Variants in GOLGA8J observed in about 807,000 individuals in gnomAD.
GOLGA8J encodes the protein golgin A8 family member J, also known as golgin subfamily A member 8J.
GOLGA8J carries 19 observed loss-of-function variants against 67.7 expected under a neutral mutation model. That is an observed-to-expected ratio of 0.28 (90% confidence interval 0.20 to 0.41). The LOEUF is 0.41. GOLGA8J is among the 10% of genes least tolerant of loss of function. GOLGA8J has a pLI of 1.00. For synonymous variants in GOLGA8J, 69 were observed against 215.9 expected, an observed-to-expected ratio of 0.32 and a Z score of 5.97; for missense variants, 205 against 584.3, an observed-to-expected ratio of 0.35 and a Z score of 6.69.
At chr15:30,083,182 C>T in intron 1 of GOLGA8J, 82 bp downstream of exon 1, 1 of 37,436 alleles carries the variant, frequency 2.7e-5, no homozygotes, top group East Asian at 3.6e-4. Flanking sequence ...GTCTATACGA[C>T]TCCTGAGGCA....
At position 30,094,011 on chromosome 15, in the gene GOLGA8J, T is replaced by C. The variant is rs369027394; in HGVS notation, c.*512T>C. On this transcript the variant is annotated 3_prime_UTR_variant, in exon 19 of 19. Transcript: ENST00000567927. ...GTGCACTGTTTATTACTTTGTAATA[T>C]GCCACTATGAGTACTGACATTTAGA... 4.6e-4 allele frequency among the ~76,000 whole-genome samples: 67 copies of C among 145,604 alleles called. 2 individuals carry two copies. The highest frequency in any genetic ancestry group is 8.3e-4 in the African/African-American group (31 of 37,250).
rs1278466268 is a variant in GOLGA8J at position 30,090,410 on chromosome 15, G to A, written c.1200+130G>A. The stretch of plus-strand genomic sequence containing the variant: ...GCTGGTGACCACAGCACCCCCCAGG[G>A]CAGTCCTGTGACTGTTTCTTGCTTC... On this transcript the variant is annotated intron_variant, in intron 13 of 18. Transcript: ENST00000567927. 9.2e-6 allele frequency: 14 copies of A among 1,526,506 alleles called. No individual in the cohort carries two copies. In the East Asian group the frequency reaches 2.2e-4, roughly 23 times the overall value. The allele number at this position is 1,526,506 out of a possible 1,614,324, so 94.6% of individuals were successfully genotyped here. A position where few individuals can be genotyped will look rare whatever the true frequency, so the allele number is the denominator to read the frequency against.
chr15:30,088,557 A>G (rs2057361460), intron 8 of GOLGA8J, among the ~76,000 whole-genome samples, 183 bp from the exon 9 acceptor site: 1 of 147,956 alleles, frequency 6.8e-6, no homozygotes, highest in Non-Finnish European at 1.5e-5. Context: ...CTATAAACTC[A>G]GTCTCATTCC....
intron 14 of GOLGA8J, 112 bp from the exon 15 acceptor site, chr15:30,091,930 C>T (rs548307032): frequency 4.5e-6 from 4 of 897,980 alleles, no homozygotes; most frequent in Non-Finnish European, 7.1e-6. Context: ...CAGCTCATTC[C>T]TCTCTGGGGA....
chr15:30,085,268 A>G (rs2057338134), intron 2 of GOLGA8J, among the ~76,000 whole-genome samples: 1 of 100,644 alleles, frequency 9.9e-6, no homozygotes, highest in Non-Finnish European at 1.7e-5. Context: ...TGACAGAGCA[A>G]GACTCTGTCT....
At chr15:30,088,480 C>T (rs2140565139) in intron 8 of GOLGA8J, 2 of 574,052 alleles carry the variant, frequency 3.5e-6, no homozygotes, top group East Asian at 2.9e-5. Flanking sequence ...AAGGTTCAAA[C>T]AGTGGTAATA....
chr15:30,095,022 C>A lies in GOLGA8J; in HGVS notation c.*1523C>A, dbSNP rs1353312114. On this transcript the variant is annotated 3_prime_UTR_variant, in exon 19 of 19. Coordinates refer to ENST00000567927, the MANE Select transcript of GOLGA8J (RefSeq NM_001282472.2). Reference sequence around the variant, plus strand: ...TGTACCTCTGGGTTTCTGTTCGGGACATATTTTGTGCAATATTTATGTGAT... The same window carrying A: ...TGTACCTCTGGGTTTCTGTTCGGGAAATATTTTGTGCAATATTTATGTGAT... 6.8e-6 allele frequency among the ~76,000 whole-genome samples: 1 copy of A among 146,132 alleles called. No homozygotes were observed. The highest frequency in any genetic ancestry group is 1.5e-5 in the Non-Finnish European group (1 of 67,486).
Position 30,092,118 on chromosome 15 carries a change from G to T in GOLGA8J, c.1353G>T (p.Glu451Asp). 1.9e-6 allele frequency: 3 copies of T among 1,548,044 alleles called. No homozygotes were observed. Among genetic ancestry groups the T allele is most frequent in the South Asian group, 2.3e-5 (2 of 85,644 alleles). ...RPMPSVPEDP[E>D]SREAMSSFMD... ...TGCCGAGTGTCCCAGAGGACCCGGA[G>T]AGCAGGGAGGCCATGGTGAGCCTGA... Residue 451 changes from glutamate to aspartate, a missense_variant, in exon 15 of 19, where the codon GAG (glutamate) becomes GAT (aspartate). Physicochemically the swap from Glu to Asp is conservative, Grantham distance 45. Coordinates refer to ENST00000567927, the MANE Select transcript of GOLGA8J (RefSeq NM_001282472.2).
intron 2 of GOLGA8J, 83 bp downstream of exon 2, chr15:30,084,973 C>G: frequency 6.9e-7 from 1 of 1,440,328 alleles, no homozygotes. Context: ...GGATGGACTG[C>G]TGGGTACTGG....
chr15:30,089,933 C>T lies in GOLGA8J; in HGVS notation c.1108C>T (p.Pro370Ser), dbSNP rs1390131658. The T allele has an allele frequency of 7.8e-6, 12 of 1,535,358 alleles. 1 individual carries two copies. In the East Asian group the frequency reaches 2.3e-4, roughly 29 times the overall value. ...QHKSLQQLAKPQSVFKEPNNE... is the reference protein window; with the variant it reads ...QHKSLQQLAKSQSVFKEPNNE... ...CAAGAGCCTTCAGCAGCTGGCCAAG[C>T]CACAGAGCGTCTTCAAGGAGCCGGT... The change falls in exon 12 of 19, where the codon CCA (proline) becomes TCA (serine). Residue 370 changes from proline (P) to serine (S), a missense_variant. Pro to Ser is a moderately conservative substitution (Grantham distance 74, BLOSUM62 -1). Coordinates refer to ENST00000567927, the MANE Select transcript of GOLGA8J (RefSeq NM_001282472.2).
rs927067929 is a variant in GOLGA8J, at chr15:30,084,883, C to G, written c.161C>G (p.Pro54Arg). The G allele has an allele frequency of 3.4e-6, 5 of 1,472,070 alleles. 1 individual carries two copies. The African/African-American group carries it at 1.6e-4, about 46-fold the overall frequency. The allele number at this position is 1,472,070 out of a possible 1,614,324, so 91.2% of individuals were successfully genotyped here. Residue 54 changes from proline to arginine, a missense_variant, in exon 2 of 19, where the codon CCT becomes CGT. Pro to Arg is a moderately radical substitution (Grantham distance 103). Coordinates refer to ENST00000567927, the MANE Select transcript of GOLGA8J (RefSeq NM_001282472.2). ...EKATSGGCQP[P>R]RDSATGFHRE... ...GCCACTTCTGGTGGTTGCCAGCCAC[C>G]TAGGGATGTGAGTCTTGGCTGACCA...
In GOLGA8J at chr15:30,095,157, C is replaced by T. The variant is rs1260972253; in HGVS notation, c.*1658C>T. ...TTAAAACTTCATGAAGTTCTAATGT[C>T]TGTGTTCCAAAACACATCACATTGT... On this transcript the variant is annotated 3_prime_UTR_variant, in exon 19 of 19. Coordinates refer to ENST00000567927, the MANE Select transcript of GOLGA8J (RefSeq NM_001282472.2). 6.9e-6 allele frequency among the ~76,000 whole-genome samples: 1 copy of T among 144,798 alleles called. No homozygotes were observed. Among genetic ancestry groups the T allele is most frequent in the Non-Finnish European group, 1.5e-5 (1 of 67,098 alleles). The allele number at this position is 144,798 out of a possible 152,430, so 95.0% of individuals were successfully genotyped here.
At chr15:30,090,707 A>T (rs1434537731) in intron 13 of GOLGA8J, among the ~76,000 whole-genome samples, 2 of 130,708 alleles carry the variant, frequency 1.5e-5, no homozygotes, top group Non-Finnish European at 3.1e-5. Flanking sequence ...AAAAAAAAAA[A>T]TTAGCAGGAC....
intron 13 of GOLGA8J, among the ~76,000 whole-genome samples, chr15:30,090,597 T>G (rs1467077501): frequency 7.1e-6 from 1 of 140,098 alleles, no homozygotes; most frequent in Non-Finnish European, 1.5e-5. Context: ...TCCCAGCACT[T>G]TGGGAGGCTG....
chr15:30,088,803 C>G lies in GOLGA8J; in HGVS notation c.655C>G (p.Leu219Val). The change falls in exon 9 of 19, where the codon CTA becomes GTA. Residue 219 changes from leucine to valine, a missense_variant. Transcript: ENST00000567927. Reference protein sequence around the residue: ...KLEQSMREEALLKVQLTQFKE... With the variant: ...KLEQSMREEAVLKVQLTQFKE... ...AGAGCAGTCCATGCGGGAGGAGGCA[C>G]TACTGAAAGTGCAGCTGACACAGGT... 1 of 1,538,238 alleles carries G rather than the reference C, an allele frequency of 6.5e-7. No homozygotes were observed.
rs1421119404 is a variant in GOLGA8J, at chr15:30,096,337, C to T, written c.*2838C>T. Among the ~76,000 whole-genome samples the T allele has an allele frequency of 6.7e-6, 1 of 150,286 alleles. No individual in the cohort carries two copies. The highest frequency in any genetic ancestry group is 6.6e-5 in the Admixed American group (1 of 15,108). ...TAGAAAATTTGAAAATGTAAATCAG[C>T]CCTATCCATAATATAGTTTCTCTAA... is the stretch of plus-strand genomic sequence containing the variant. On this transcript the variant is annotated 3_prime_UTR_variant, in exon 19 of 19. Transcript: ENST00000567927.
In GOLGA8J at chr15:30,095,416, T is replaced by A. The variant is rs1341604118; in HGVS notation, c.*1917T>A. On this transcript the variant is annotated 3_prime_UTR_variant, in exon 19 of 19. Coordinates refer to ENST00000567927, the MANE Select transcript of GOLGA8J (RefSeq NM_001282472.2). ...GACTCTTCCAAATTTTATGAATGTATCAATGTATTAGATAAACCCAGTTTC... is the reference window on the plus strand; with the variant it reads ...GACTCTTCCAAATTTTATGAATGTAACAATGTATTAGATAAACCCAGTTTC... Among the ~76,000 whole-genome samples, 2 of 145,104 alleles carry A rather than the reference T, an allele frequency of 1.4e-5. No individual in the cohort carries two copies. Among genetic ancestry groups the A allele is most frequent in the African/African-American group, 5.3e-5 (2 of 37,986 alleles).
At chr15:30,090,708 T>A (rs2057392095) in intron 13 of GOLGA8J, among the ~76,000 whole-genome samples, 2 of 119,768 alleles carry the variant, frequency 1.7e-5, no homozygotes, top group South Asian at 5.4e-4. Flanking sequence ...AAAAAAAAAA[T>A]TAGCAGGACA....
In GOLGA8J at chr15:30,089,903, C is replaced by A; in HGVS notation, c.1078C>A (p.Gln360Lys). Residue 360 changes from glutamine to lysine, a missense_variant, in exon 12 of 19, where the codon CAG becomes AAG. Gln to Lys is a moderately conservative substitution (Grantham distance 53, BLOSUM62 1). Transcript: ENST00000567927. Reference sequence around the variant, plus strand: ...GAAGCAGGAGGAGAGGATTCAGGAGCAGCACAAGAGCCTTCAGCAGCTGGC... The same window carrying A: ...GAAGCAGGAGGAGAGGATTCAGGAGAAGCACAAGAGCCTTCAGCAGCTGGC... ...LRKQEERIQE[Q>K]HKSLQQLAKP... 1 of 1,517,132 alleles carries A rather than the reference C, an allele frequency of 6.6e-7. No individual in the cohort carries two copies. Among genetic ancestry groups the A allele is most frequent in the Non-Finnish European group, 8.8e-7 (1 of 1,140,218 alleles). 94.0% of individuals were successfully genotyped at this position (1,517,132 alleles called of 1,614,324 possible).
Sources: allele counts gnomAD v4.1 joint callset (sites outside exome capture counted in the v4.1 genomes callset), GRCh38; gene constraint gnomAD v4.1.1; transcripts MANE v1.5; gene names NCBI Gene and HGNC (gene_info 2026-07-23, HGNC 2026-07-21).